The following GPLD1 variants were observed in gnomAD, a reference collection of about 807,000 sequenced individuals.
GPLD1 encodes the protein glycosylphosphatidylinositol specific phospholipase D1.
A neutral mutation model predicts 112.6 loss-of-function variants in GPLD1; 84 were observed. The ratio of observed to expected loss-of-function variants is 0.75; its 90% CI spans 0.63 to 0.89. GPLD1 has a LOEUF of 0.89. Among genes scored for constraint, GPLD1 ranks in the 40% least tolerant of loss-of-function variants. GPLD1 has a pLI of 0.00. For missense variants in GPLD1, 1,044 were observed against 1,051.5 expected, an observed-to-expected ratio of 0.99 and a Z score of 0.10; for synonymous variants, 386 against 403.8, an observed-to-expected ratio of 0.96 and a Z score of 0.53.
chr6:24,436,642 T>C lies in GPLD1; in HGVS notation c.2292A>G (p.Lys764=), dbSNP rs770307609. Residue 764 remains lysine, a synonymous_variant, in exon 22 of 25, where the codon AAA becomes AAG. Transcript: ENST00000230036. ...CAGTCATGTCACCAAGGGTGGTCTC[T>C]TTGCCATTATATACATATACTCGGC... The part of the protein sequence containing the change: ...EDGRVYVYNG[K]ETTLGDMTGK... 2 of 1,614,070 alleles carry C rather than the reference T, an allele frequency of 1.2e-6. No homozygotes were observed. The highest frequency in any genetic ancestry group is 8.5e-7 in the Non-Finnish European group (1 of 1,179,928).
chr6:24,455,465 C>A lies in GPLD1; in HGVS notation c.1148+1033G>T, dbSNP rs143081767. Among the ~76,000 whole-genome samples, 104 of 152,308 alleles carry A rather than the reference C, an allele frequency of 6.8e-4. No individual in the cohort carries two copies. In the East Asian group the frequency reaches 0.013, roughly 18 times the overall value. On this transcript the variant is annotated intron_variant, in intron 13 of 24. Coordinates refer to ENST00000230036, the MANE Select transcript of GPLD1 (RefSeq NM_001503.4). ...GAGTATGATTTTTTTAAAAAGCCTT[C>A]ATCCAAACTTCCAGAAAATAGTCAC...
At chr6:24,474,232 A>G (rs908181283) in intron 5 of GPLD1, among the ~76,000 whole-genome samples, 17 of 151,806 alleles carry the variant, frequency 1.1e-4, no homozygotes, top group Admixed American at 5.9e-4. Context: ...AGTTGGATAC[A>G]TATGTCTGGC....
chr6:24,484,379 C>A (rs1008998107), intron 2 of GPLD1, among the ~76,000 whole-genome samples: 2 of 152,180 alleles, frequency 1.3e-5, no homozygotes, highest in Admixed American at 6.5e-5. Flanking sequence ...CCACGGCCAG[C>A]TAATTTTTGT....
chr6:24,447,604 G>T (rs573998864), intron 17 of GPLD1, among the ~76,000 whole-genome samples: 1 of 152,264 alleles, frequency 6.6e-6, no homozygotes, highest in Non-Finnish European at 1.5e-5. Flanking sequence ...CCGGTGCAAA[G>T]CCTCCTCAGT....
rs1191600908 is a variant in GPLD1 at position 24,448,291 on chromosome 6, AC to A, written c.1447-84del. On this transcript the variant is annotated intron_variant, in intron 15 of 24. Transcript: ENST00000230036. ...AAATAACAGAAGATAAAAAGGACTG[AC>A]TCTGGGTCCAGGTATGGTGGCTGAT... 3.2e-5 allele frequency: 29 copies of A among 918,444 alleles called. No individual in the cohort carries two copies. In the Admixed American group the frequency reaches 5.7e-4, roughly 18 times the overall value. The allele number at this position is 918,444 out of a possible 1,614,324, so 56.9% of individuals were successfully genotyped here.
rs140839170 is a variant in GPLD1, at chr6:24,485,064, C to T, written c.153+1011G>A. Among the ~76,000 whole-genome samples, 25 of 152,306 alleles carry T rather than the reference C, an allele frequency of 1.6e-4. 1 individual carries two copies. The East Asian group carries it at 4.6e-3, about 28-fold the overall frequency. Reference sequence around the variant, plus strand: ...AAGATGGGTAAAGGTGAGTCATGAGCTAGTCCTACCAGGATATGGAATATA... The same window carrying T: ...AAGATGGGTAAAGGTGAGTCATGAGTTAGTCCTACCAGGATATGGAATATA... On this transcript the variant is annotated intron_variant, in intron 2 of 24. Transcript: ENST00000230036.
At position 24,432,394 on chromosome 6, in the gene GPLD1, TTG is replaced by T. The variant is rs200520570; in HGVS notation, c.2436+791_2436+792del. 3.8e-3 allele frequency among the ~76,000 whole-genome samples: 575 copies of T among 152,088 alleles called. 7 individuals are homozygous for T. Among genetic ancestry groups the T allele is most frequent in the African/African-American group, 0.013 (545 of 41,478 alleles). ...AGGCAGATCATTTGAGGCCAGGAGT[TTG>T]AGACCAGCCTTGACAACGTGGCAAA... On this transcript the variant is annotated intron_variant, in intron 24 of 24. Coordinates refer to ENST00000230036, the MANE Select transcript of GPLD1 (RefSeq NM_001503.4).
intron 17 of GPLD1, 82 bp downstream of exon 17, chr6:24,447,795 A>T: frequency 7.8e-7 from 1 of 1,278,030 alleles, no homozygotes; most frequent in Non-Finnish European, 1.1e-6. Context: ...ATAAGGAAAA[A>T]GGATATAAAC....
At chr6:24,449,189 G>A (rs7762593) in intron 15 of GPLD1, among the ~76,000 whole-genome samples, 38,392 of 151,830 alleles carry the variant, frequency 0.25, 5,069 homozygotes, top group Non-Finnish European at 0.28. Flanking sequence ...AGTTCAGGAC[G>A]TGACAGACTG....
chr6:24,494,671 G>T (rs1401865497), intron 1 of GPLD1, among the ~76,000 whole-genome samples: 1 of 152,172 alleles, frequency 6.6e-6, no homozygotes, highest in Non-Finnish European at 1.5e-5. Context: ...ATGAGCACCC[G>T]AAAAGTGAAA....
chr6:24,489,538 G>A lies in GPLD1; in HGVS notation c.-27C>T. The A allele has an allele frequency of 6.2e-7, 1 of 1,613,734 alleles. No homozygotes were observed. Among genetic ancestry groups the A allele is most frequent in the South Asian group, 1.1e-5 (1 of 91,042 alleles). On this transcript the variant is annotated 5_prime_UTR_variant, in exon 1 of 25. Transcript: ENST00000230036. The stretch of plus-strand genomic sequence containing the variant: ...ATCTCATTGCCCACCGGCTTCTCTG[G>A]TGACGTGGGAATGCTCAGAGCTGCA...
chr6:24,445,416 T>C, intron 20 of GPLD1, 130 bp downstream of exon 20: 1 of 642,436 alleles, frequency 1.6e-6, no homozygotes, highest in South Asian at 1.9e-5. Context: ...CACAGAATGT[T>C]ATTAATGAAA....
intron 2 of GPLD1, among the ~76,000 whole-genome samples, chr6:24,482,786 C>A (rs565614353): frequency 2.0e-5 from 3 of 152,148 alleles, no homozygotes; most frequent in East Asian, 3.9e-4. Flanking sequence ...TGGCAAGACT[C>A]TGTTTCTACA....
intron 7 of GPLD1, among the ~76,000 whole-genome samples, chr6:24,472,241 T>C (rs185868053): frequency 6.6e-6 from 1 of 152,318 alleles, no homozygotes; most frequent in Non-Finnish European, 1.5e-5. Context: ...CTCAATGAGA[T>C]ACCATTACAC....
At chr6:24,444,956 CACTAAGTT>C (rs1158806414) in intron 20 of GPLD1, among the ~76,000 whole-genome samples, 13 of 137,074 alleles carry the variant, frequency 9.5e-5, no homozygotes, top group Non-Finnish European at 1.9e-4. Flanking sequence ...TTTAAAAATA[CACTAAGTT>C]ACTTTCATAT....
intron 20 of GPLD1, among the ~76,000 whole-genome samples, chr6:24,440,221 G>A (rs1291188862): frequency 6.6e-6 from 1 of 152,126 alleles, no homozygotes; most frequent in East Asian, 1.9e-4. Flanking sequence ...TTGGGAGGCT[G>A]AGGCAGGAGG....
chr6:24,473,911 G>A (rs571279644), intron 5 of GPLD1, among the ~76,000 whole-genome samples: 144 of 152,148 alleles, frequency 9.5e-4, no homozygotes, highest in African/African-American at 3.0e-3. Flanking sequence ...GATCACCTGA[G>A]GTCAGGAGTT....
rs752811865 is a variant in GPLD1 at position 24,446,925 on chromosome 6, G to T, written c.1733C>A (p.Ser578Tyr). 4 of 1,613,792 alleles carry T rather than the reference G, an allele frequency of 2.5e-6. No homozygotes were observed. Among genetic ancestry groups the T allele is most frequent in the Non-Finnish European group, 3.4e-6 (4 of 1,179,910 alleles). Residue 578 changes from serine to tyrosine, a missense_variant, in exon 18 of 25, where the codon TCC (serine) becomes TAC (tyrosine). Physicochemically the swap from Ser to Tyr is moderately radical, Grantham distance 144. Transcript: ENST00000230036. ...NWTVRGEEDF[S>Y]WFGYSLHGVT... ...ACCGTGAAGGGAATATCCAAACCAG[G>T]AGAAGTCTTCCTCGCCTCTCACCGT... is the stretch of plus-strand genomic sequence containing the variant.
chr6:24,443,025 C>T (rs537650162), intron 20 of GPLD1, among the ~76,000 whole-genome samples: 1 of 152,152 alleles, frequency 6.6e-6, no homozygotes, highest in East Asian at 1.9e-4. Flanking sequence ...ATGTGTGTTG[C>T]AAGAGCTTAG....
Sources: allele counts gnomAD v4.1 joint callset (sites outside exome capture counted in the v4.1 genomes callset), GRCh38; gene constraint gnomAD v4.1.1; transcripts MANE v1.5; gene names NCBI Gene and HGNC (gene_info 2026-07-23, HGNC 2026-07-21).